FAM135B: variants seen among roughly 807,000 people sequenced by gnomAD.
FAM135B encodes family with sequence similarity 135 member B.
Under a neutral mutation model 127.7 loss-of-function variants are expected in FAM135B, and 43 were observed. The observed-to-expected ratio is 0.34, with a 90% CI of 0.26 to 0.43. The LOEUF (loss-of-function observed/expected upper bound fraction) is 0.43, where lower values mean the gene tolerates loss of function less well. Ranked by LOEUF, FAM135B falls within the 20% of genes least tolerant of loss-of-function variation. The pLI is 1.00. For synonymous variants in FAM135B, 670 were observed against 665.1 expected (o/e 1.01, Z -0.11); for missense variants, 1,558 against 1,725.6 (o/e 0.90, Z 1.72).
At chr8:138,472,464 G>A (rs953760027) in intron 1 of FAM135B, among the ~76,000 whole-genome samples, 63 of 152,210 alleles carry the variant, frequency 4.1e-4, no homozygotes, top group African/African-American at 1.3e-3. Context: ...CAGTCCCTGC[G>A]CTGTTCTGGT....
chr8:138,359,891 G>A (rs571494240), intron 2 of FAM135B, among the ~76,000 whole-genome samples: 4 of 152,130 alleles, frequency 2.6e-5, no homozygotes, highest in South Asian at 4.1e-4. Context: ...CACTTTGGTA[G>A]AGAAAAGGCA....
At chr8:138,443,608 T>C (rs1221554040) in intron 1 of FAM135B, among the ~76,000 whole-genome samples, 1 of 152,218 alleles carries the variant, frequency 6.6e-6, no homozygotes, top group Non-Finnish European at 1.5e-5. Context: ...CAGCAAGTGT[T>C]TACTAAGCAC....
chr8:138,471,118 G>A (rs1446834829), intron 1 of FAM135B, among the ~76,000 whole-genome samples: 3 of 152,198 alleles, frequency 2.0e-5, no homozygotes, highest in Non-Finnish European at 4.4e-5. Context: ...AGAAAGGTGA[G>A]AGGGGCAGGA....
chr8:138,160,969 C>T (rs1819332003), intron 12 of FAM135B, among the ~76,000 whole-genome samples: 1 of 152,134 alleles, frequency 6.6e-6, no homozygotes, highest in South Asian at 2.1e-4. Context: ...TTGCCATTTA[C>T]CAGCGATGAG....
chr8:138,253,588 G>T (rs1359417042), intron 5 of FAM135B, among the ~76,000 whole-genome samples: 2 of 152,170 alleles, frequency 1.3e-5, no homozygotes, highest in Non-Finnish European at 2.9e-5. Flanking sequence ...AAAGTCAGAA[G>T]TGAAGCCCCG....
At chr8:138,136,485 A>C (rs1350216717) in intron 19 of FAM135B, among the ~76,000 whole-genome samples, 3 of 152,186 alleles carry the variant, frequency 2.0e-5, no homozygotes, top group African/African-American at 7.2e-5. Context: ...GTAAGATGCT[A>C]ATATTGGGCA....
intron 2 of FAM135B, among the ~76,000 whole-genome samples, chr8:138,351,257 T>C (rs1209122370): frequency 9.2e-5 from 14 of 152,146 alleles, no homozygotes; most frequent in Admixed American, 5.2e-4. Flanking sequence ...AGGGTCTTTA[T>C]AGAGTCTAAG....
intron 6 of FAM135B, among the ~76,000 whole-genome samples, chr8:138,249,820 A>G (rs1274796677): frequency 6.6e-6 from 1 of 152,240 alleles, no homozygotes. Flanking sequence ...ACCATGCTGC[A>G]ACATTCTACG....
At chr8:138,176,535 C>A (rs1814487057) in intron 11 of FAM135B, among the ~76,000 whole-genome samples, 5 of 152,182 alleles carry the variant, frequency 3.3e-5, no homozygotes. Flanking sequence ...CCCTTACTTG[C>A]AGAATCCATG....
At chr8:138,403,632 C>G (rs898829253) in intron 1 of FAM135B, among the ~76,000 whole-genome samples, 5 of 152,154 alleles carry the variant, frequency 3.3e-5, no homozygotes, top group African/African-American at 4.8e-5. Flanking sequence ...CATCCCAATA[C>G]CAATGGAGAG....
intron 3 of FAM135B, among the ~76,000 whole-genome samples, chr8:138,276,474 G>C (rs1341862662): frequency 6.6e-6 from 1 of 152,092 alleles, no homozygotes; most frequent in East Asian, 1.9e-4. Context: ...TGCTGATTAG[G>C]GGAGAACAGG....
intron 2 of FAM135B, among the ~76,000 whole-genome samples, chr8:138,354,673 A>G (rs1426815690): frequency 1.3e-5 from 2 of 152,196 alleles, no homozygotes; most frequent in African/African-American, 4.8e-5. Flanking sequence ...GGATAGAGCC[A>G]ACAAGAGCAA....
chr8:138,269,058 T>G (rs890002657), intron 3 of FAM135B, among the ~76,000 whole-genome samples: 1 of 152,200 alleles, frequency 6.6e-6, no homozygotes, highest in African/African-American at 2.4e-5. Context: ...TCTTCAGGTT[T>G]CAGCTGCACA....
At chr8:138,449,325 C>G (rs541132416) in intron 1 of FAM135B, among the ~76,000 whole-genome samples, 7 of 151,996 alleles carry the variant, frequency 4.6e-5, no homozygotes, top group Admixed American at 3.9e-4. Context: ...GAGGCTGGCC[C>G]GGATTACAGC....
At chr8:138,375,957 A>G (rs1269802326) in intron 1 of FAM135B, among the ~76,000 whole-genome samples, 3 of 152,072 alleles carry the variant, frequency 2.0e-5, no homozygotes, top group Non-Finnish European at 4.4e-5. Context: ...CTGGGCATCA[A>G]CTGGGTTCAG....
chr8:138,142,788 C>G, intron 16 of FAM135B: 1 of 442,354 alleles, frequency 2.3e-6, no homozygotes, highest in East Asian at 3.7e-5. Flanking sequence ...ACTCTTTCTA[C>G]AGAACTACAA....
In FAM135B at chr8:138,335,291, A is replaced by C. The variant is rs372512194; in HGVS notation, c.78-24371T>G. On this transcript the variant is annotated intron_variant, in intron 2 of 19. Coordinates refer to ENST00000395297, the MANE Select transcript of FAM135B (RefSeq NM_015912.4). ...AAGAACCCGCTGCACTCAGTACTTA[A>C]AACGATTCCTCATTCTTCTCGCCCA... 4.6e-5 allele frequency among the ~76,000 whole-genome samples: 7 copies of C among 152,150 alleles called. No individual in the cohort carries two copies. In the East Asian group the frequency reaches 5.8e-4, roughly 13 times the overall value.
intron 2 of FAM135B, 56 bp from the exon 3 acceptor site, chr8:138,310,976 C>T: frequency 7.3e-7 from 1 of 1,374,304 alleles, no homozygotes; most frequent in Non-Finnish European, 1.0e-6. Flanking sequence ...ACGTTGACTT[C>T]TAAAAATACC....
At chr8:138,336,155 G>A (rs1347875095) in intron 2 of FAM135B, among the ~76,000 whole-genome samples, 8 of 151,912 alleles carry the variant, frequency 5.3e-5, no homozygotes, top group Admixed American at 6.6e-5. Flanking sequence ...GAGAAAGCAG[G>A]AAAGATCTAA....
Sources: allele counts gnomAD v4.1 joint callset (sites outside exome capture counted in the v4.1 genomes callset), GRCh38; gene constraint gnomAD v4.1.1; transcripts MANE v1.5; gene names NCBI Gene and HGNC (gene_info 2026-07-23, HGNC 2026-07-21).